Variants in WASHC2C observed in about 807,000 individuals in gnomAD.
The protein encoded by WASHC2C is Vaccinia Penetration Factor.
A neutral mutation model predicts 142.2 loss-of-function variants in WASHC2C; 73 were observed. That is an observed-to-expected ratio of 0.51 (90% confidence interval 0.43 to 0.62). The LOEUF (loss-of-function observed/expected upper bound fraction) is 0.62. Ranked by LOEUF, WASHC2C falls within the 20% of genes least tolerant of loss-of-function variation. The pLI is 0.00. For missense variants in WASHC2C, 969 were observed against 1,531.7 expected (o/e 0.63, Z 6.13); for synonymous variants, 337 against 565.5 (o/e 0.60, Z 5.73).
At chr10:45,758,806 G>A (rs1336781549) in intron 16 of WASHC2C, among the ~76,000 whole-genome samples, 1 of 149,810 alleles carries the variant, frequency 6.7e-6, no homozygotes, top group Non-Finnish European at 1.5e-5. Flanking sequence ...GCCCATGTTG[G>A]CCAAACCATC....
In WASHC2C at chr10:45,750,825, C is replaced by T. The variant is rs1449900150; in HGVS notation, c.918C>T (p.Asp306=). ...RIKGDAMGRV[D]EEPTTLPSGE... is the part of the protein sequence containing the mutation. ...AGGGGGATGCCATGGGTCGAGTGGA[C>T]GAGGAGCCGACAAGTGAGCCCCAGC... Residue 306 remains aspartate (D), a synonymous_variant, in exon 10 of 31, where the codon GAC becomes GAT. Coordinates refer to ENST00000623400, the MANE Select transcript of WASHC2C (RefSeq NM_001330074.2). 111 of 1,548,104 alleles carry T rather than the reference C, an allele frequency of 7.2e-5. 1 individual carries two copies. The highest frequency in any genetic ancestry group is 8.3e-5 in the Non-Finnish European group (95 of 1,146,864).
At chr10:45,730,143 G>A (rs372545259) in intron 3 of WASHC2C, among the ~76,000 whole-genome samples, 4 of 134,334 alleles carry the variant, frequency 3.0e-5, no homozygotes, top group East Asian at 4.4e-4. Context: ...TTGGGAGTTC[G>A]AGACCAGCCT....
intron 21 of WASHC2C, among the ~76,000 whole-genome samples, chr10:45,773,872 A>T (rs1303644311): frequency 1.5e-5 from 2 of 136,844 alleles, no homozygotes; most frequent in Non-Finnish European, 3.1e-5. Flanking sequence ...GCTTATTGGG[A>T]TGAAAAACAT....
chr10:45,741,635 T>G (rs1436710432), intron 5 of WASHC2C, among the ~76,000 whole-genome samples: 1 of 152,156 alleles, frequency 6.6e-6, no homozygotes, highest in African/African-American at 2.4e-5. Context: ...CCAATCTTTC[T>G]GTTGTTGTGT....
At chr10:45,752,205 G>T (rs1275056097) in intron 11 of WASHC2C, among the ~76,000 whole-genome samples, 1 of 152,208 alleles carries the variant, frequency 6.6e-6, no homozygotes, top group Non-Finnish European at 1.5e-5. Context: ...CATTAGACTT[G>T]TCCCTGTGTC....
intron 20 of WASHC2C, 26 bp downstream of exon 20, chr10:45,769,644 C>T: frequency 6.2e-7 from 1 of 1,611,654 alleles, no homozygotes; most frequent in Non-Finnish European, 8.5e-7. Context: ...GAAGGAGTCC[C>T]TCACTCCATT....
intron 12 of WASHC2C, 149 bp downstream of exon 12, chr10:45,752,855 A>G: frequency 6.8e-6 from 4 of 592,280 alleles, no homozygotes; most frequent in Middle Eastern, 8.9e-4. Flanking sequence ...ATTTTGAACT[A>G]AGAATCACAG....
chr10:45,771,084 C>A (rs1463605596), intron 20 of WASHC2C, among the ~76,000 whole-genome samples: 1 of 151,506 alleles, frequency 6.6e-6, no homozygotes, highest in African/African-American at 2.4e-5. Flanking sequence ...GAAGCCTTCC[C>A]GGCTGGGCGC....
chr10:45,790,249 G>A (rs1413471957), intron 29 of WASHC2C, 107 bp from the exon 30 acceptor site: 15 of 1,573,282 alleles, frequency 9.5e-6, no homozygotes, highest in South Asian at 4.6e-5. Context: ...TCTCGAGGCC[G>A]TTCCACACAC....
chr10:45,776,431 T>C (rs1459093195), intron 21 of WASHC2C, among the ~76,000 whole-genome samples: 2 of 148,480 alleles, frequency 1.3e-5, no homozygotes, highest in East Asian at 3.9e-4. Flanking sequence ...GCCTCCCTGA[T>C]AAGGAAGAGA....
chr10:45,792,068 CTG>C lies in WASHC2C; in HGVS notation c.3887-186_3887-185del, dbSNP rs1226516058. 6.8e-3 allele frequency among the ~76,000 whole-genome samples: 974 copies of C among 144,228 alleles called. 76 individuals carry two copies. Among genetic ancestry groups the C allele is most frequent in the African/African-American group, 0.024 (939 of 39,458 alleles). The allele number at this position is 144,228 out of a possible 152,430, so 94.6% of individuals were successfully genotyped here. A position where few individuals can be genotyped will look rare whatever the true frequency, so the allele number is the denominator to read the frequency against. On this transcript the variant is annotated intron_variant, in intron 30 of 30. Coordinates refer to ENST00000623400, the MANE Select transcript of WASHC2C (RefSeq NM_001330074.2). Reference sequence around the variant, plus strand: ...GAAGAAATTGTGCTCCAAGAGAAACCTGTGTGTGATCATAAAATTTAATGAGT... The same window carrying C: ...GAAGAAATTGTGCTCCAAGAGAAACCTGTGTGATCATAAAATTTAATGAGT...
intron 3 of WASHC2C, among the ~76,000 whole-genome samples, chr10:45,736,063 A>T (rs2051187342): frequency 1.3e-5 from 2 of 151,482 alleles, no homozygotes; most frequent in Non-Finnish European, 2.9e-5. Context: ...GAGGTCAAGG[A>T]GTTTGAGACC....
intron 5 of WASHC2C, among the ~76,000 whole-genome samples, chr10:45,742,067 A>G (rs1188933793): frequency 6.6e-6 from 1 of 150,824 alleles, no homozygotes; most frequent in Non-Finnish European, 1.5e-5. Context: ...AAGTACTGGG[A>G]TTACAGGTGG....
Position 45,728,958 on chromosome 10 carries a change from A to T in WASHC2C, c.223A>T (p.Thr75Ser). 5.0e-6 allele frequency: 8 copies of T among 1,614,010 alleles called. No individual in the cohort carries two copies. The highest frequency in any genetic ancestry group is 6.8e-6 in the Non-Finnish European group (8 of 1,179,870). The part of the protein sequence containing the change: ...VDGLIRETKA[T>S]DCRLHNVFND... ...CGGACTAATCCGGGAAACCAAAGCC[A>T]CAGATTGTCGCCTGCATAATGTCTT... The change falls in exon 3 of 31, where the codon ACA (threonine) becomes TCA (serine). Residue 75 changes from threonine (T) to serine (S), a missense_variant. Coordinates refer to ENST00000623400, the MANE Select transcript of WASHC2C (RefSeq NM_001330074.2).
At chr10:45,784,250 G>A (rs1209139365) in intron 23 of WASHC2C, among the ~76,000 whole-genome samples, 494 of 22,480 alleles carry the variant, frequency 0.022, 3 homozygotes, top group African/African-American at 0.049. Flanking sequence ...ATGTGTGTGT[G>A]TGTATATATA....
In WASHC2C at chr10:45,763,268, CA is replaced by C. The variant is rs1429502073; in HGVS notation, c.1636-119del. On this transcript the variant is annotated intron_variant, in intron 17 of 30. Transcript: ENST00000623400. ...ACTCTGTCTGAGCCACCTTCCCTCT[CA>C]GGAAAGAAGCCTAGACACATGGCAG... 5.1e-6 allele frequency: 3 copies of C among 590,790 alleles called. No individual in the cohort carries two copies. In the African/African-American group the frequency reaches 5.7e-5, roughly 11 times the overall value. The allele number at this position is 590,790 out of a possible 1,614,324, so 36.6% of individuals were successfully genotyped here.
At chr10:45,772,246 G>A (rs1426046366) in intron 20 of WASHC2C, among the ~76,000 whole-genome samples, 1 of 151,514 alleles carries the variant, frequency 6.6e-6, no homozygotes, top group Non-Finnish European at 1.5e-5. Context: ...GGGGCAGGGG[G>A]AATGGAGAGT....
At chr10:45,772,049 G>A (rs1554884821) in intron 20 of WASHC2C, among the ~76,000 whole-genome samples, 1 of 152,244 alleles carries the variant, frequency 6.6e-6, no homozygotes, top group Non-Finnish European at 1.5e-5. Context: ...CCATACGATA[G>A]ACTGTTCTTC....
intron 17 of WASHC2C, among the ~76,000 whole-genome samples, chr10:45,759,804 G>T (rs2054858475): frequency 6.6e-6 from 1 of 152,160 alleles, no homozygotes; most frequent in African/African-American, 2.4e-5. Context: ...AGGCGACAGA[G>T]CGAGACTTCA....
Sources: gnomAD v4.1 joint callset for allele counts (sites outside exome capture counted in the v4.1 genomes callset) on GRCh38, gnomAD v4.1.1 for gene constraint, MANE v1.5 for transcripts, NCBI Gene and HGNC (gene_info 2026-07-23, HGNC 2026-07-21) for gene names.